The following NALF1 variants were observed in gnomAD, a reference collection of about 807,000 sequenced individuals.
NALF1 encodes NALCN channel auxiliary factor 1, also known as family with sequence similarity 155 member A.
A neutral mutation model predicts 48.4 loss-of-function variants in NALF1; 3 were observed. The ratio of observed to expected loss-of-function variants is 0.06; its 90% CI spans 0.03 to 0.16. The LOEUF is 0.16. Among genes scored for constraint, NALF1 ranks in the 10% least tolerant of loss-of-function variants. The pLI is 1.00. For synonymous variants in NALF1, 262 were observed against 245.7 expected (o/e 1.07, Z -0.62); for missense variants, 526 against 571.5 (o/e 0.92, Z 0.81).
chr13:107,415,139 T>A (rs1884063580), intron 1 of NALF1, among the ~76,000 whole-genome samples: 2 of 152,192 alleles, frequency 1.3e-5, no homozygotes. Context: ...ACATAATTTT[T>A]AAACTTAGTC....
intron 2 of NALF1, among the ~76,000 whole-genome samples, chr13:107,180,425 C>A (rs1879037392): frequency 6.6e-6 from 1 of 151,900 alleles, no homozygotes; most frequent in South Asian, 2.1e-4. Context: ...CGATCTTTAT[C>A]TCAGTAATTT....
At chr13:107,276,141 A>G (rs1881276411) in intron 1 of NALF1, among the ~76,000 whole-genome samples, 1 of 152,188 alleles carries the variant, frequency 6.6e-6, no homozygotes, top group Non-Finnish European at 1.5e-5. Context: ...TATTCATTAG[A>G]AATGAGTCAG....
chr13:107,288,219 C>CTTTTTTT (rs375800659), intron 1 of NALF1, among the ~76,000 whole-genome samples: 1 of 125,150 alleles, frequency 8.0e-6, no homozygotes, highest in African/African-American at 3.0e-5. Context: ...GATCTGAAGA[C>CTTTTTTT]TTTTTTTTTT....
Position 107,865,992 on chromosome 13 carries a change from C to A in NALF1, c.605G>T (p.Gly202Val). The change falls in exon 1 of 3, where the codon GGG becomes GTG. Residue 202 changes from glycine to valine, a missense_variant. Gly to Val is a moderately radical substitution (Grantham distance 109, BLOSUM62 -3). Around this residue, in one of 2 missense-constraint regions of NALF1, gnomAD observed 373 missense variants for 355.5 expected, o/e 1.05. Coordinates refer to ENST00000375915, the MANE Select transcript of NALF1 (RefSeq NM_001080396.3). ...CTTGCTCCTCACCTCCTGCCCGTCCCCCCCGGCCGCCCCCCGACTCCAGTT... is the reference window on the plus strand; with the variant it reads ...CTTGCTCCTCACCTCCTGCCCGTCCACCCCGGCCGCCCCCCGACTCCAGTT... ...ARNWSRGAAG[G>V]DGQEVRSKHP... 5 of 1,612,392 alleles carry A rather than the reference C, an allele frequency of 3.1e-6. No individual in the cohort carries two copies. Among genetic ancestry groups the A allele is most frequent in the Non-Finnish European group, 3.4e-6 (4 of 1,179,926 alleles).
intron 1 of NALF1, among the ~76,000 whole-genome samples, chr13:107,775,744 C>T (rs1159398050): frequency 6.6e-6 from 1 of 152,074 alleles, no homozygotes; most frequent in African/African-American, 2.4e-5. Context: ...TAATGATTGC[C>T]ATTTAATGAA....
At chr13:107,197,765 C>T (rs564945381) in intron 2 of NALF1, among the ~76,000 whole-genome samples, 27 of 152,196 alleles carry the variant, frequency 1.8e-4, no homozygotes, top group Admixed American at 1.2e-3. Flanking sequence ...TGTGTGTGTG[C>T]GCAAATTGAT....
intron 2 of NALF1, among the ~76,000 whole-genome samples, chr13:107,183,636 A>T (rs1879112027): frequency 6.6e-6 from 1 of 152,220 alleles, no homozygotes; most frequent in African/African-American, 2.4e-5. Flanking sequence ...AATGTCGCAC[A>T]TATACACCAT....
chr13:107,420,739 G>GT (rs915899942), intron 1 of NALF1, among the ~76,000 whole-genome samples: 2 of 152,138 alleles, frequency 1.3e-5, no homozygotes, highest in African/African-American at 4.8e-5. Context: ...TCGAGTACAT[G>GT]TGCAATTTTG....
chr13:107,507,743 G>T lies in NALF1; in HGVS notation c.916-296988C>A, dbSNP rs555057144. On this transcript the variant is annotated intron_variant, in intron 1 of 2. Coordinates refer to ENST00000375915, the MANE Select transcript of NALF1 (RefSeq NM_001080396.3). Reference sequence around the variant, plus strand: ...AATATTGAGATTCTTTCAAACAATAGCCTGCTATATTTATTGAAATCATAG... The same window carrying T: ...AATATTGAGATTCTTTCAAACAATATCCTGCTATATTTATTGAAATCATAG... Among the ~76,000 whole-genome samples, 3 of 151,838 alleles carry T rather than the reference G, an allele frequency of 2.0e-5. No individual in the cohort carries two copies. In the East Asian group the frequency reaches 5.8e-4, roughly 29 times the overall value.
chr13:107,518,346 A>T (rs1431347999), intron 1 of NALF1, among the ~76,000 whole-genome samples: 1 of 152,154 alleles, frequency 6.6e-6, no homozygotes, highest in Non-Finnish European at 1.5e-5. Flanking sequence ...TAGTCTACTA[A>T]ACAGACTCAG....
chr13:107,271,789 TA>T (rs1325268105), intron 1 of NALF1, among the ~76,000 whole-genome samples: 8 of 77,938 alleles, frequency 1.0e-4, no homozygotes, highest in East Asian at 3.0e-4. Flanking sequence ...TATATATATA[TA>T]TATATATATA....
intron 1 of NALF1, among the ~76,000 whole-genome samples, chr13:107,461,992 G>A (rs1298087267): frequency 6.6e-6 from 1 of 152,118 alleles, no homozygotes; most frequent in Non-Finnish European, 1.5e-5. Context: ...ACATTCTTAT[G>A]TTAAGGTAGT....
chr13:107,566,148 C>T (rs7990497), intron 1 of NALF1, among the ~76,000 whole-genome samples: 107,959 of 151,992 alleles, frequency 0.71, 38,832 homozygotes, highest in East Asian at 0.8. Flanking sequence ...GCTACAAAAA[C>T]ATTCATCCAC....
intron 1 of NALF1, among the ~76,000 whole-genome samples, chr13:107,391,575 CACTT>C (rs1470113711): frequency 6.6e-6 from 1 of 152,036 alleles, no homozygotes; most frequent in African/African-American, 2.4e-5. Context: ...TGATAAGAAA[CACTT>C]ACAACCCTCT....
rs545313363 is a variant in NALF1 at position 107,286,978 on chromosome 13, C to T, written c.916-76223G>A. ...GTTTTGGACTAGACAGAGCTTGTGG[C>T]TGCACAGCAGTATGAATGTTCTCAA... On this transcript the variant is annotated intron_variant, in intron 1 of 2. Transcript: ENST00000375915. Among the ~76,000 whole-genome samples the T allele has an allele frequency of 3.3e-5, 5 of 152,276 alleles. No homozygotes were observed. In the East Asian group the frequency reaches 9.6e-4, roughly 29 times the overall value.
chr13:107,866,292 G>A lies in NALF1; in HGVS notation c.305C>T (p.Ser102Phe). 1 of 1,604,444 alleles carries A rather than the reference G, an allele frequency of 6.2e-7. No individual in the cohort carries two copies. The highest frequency in any genetic ancestry group is 8.5e-7 in the Non-Finnish European group (1 of 1,177,570). The change falls in exon 1 of 3, where the codon TCC becomes TTC. Residue 102 changes from serine (S) to phenylalanine (F), a missense_variant. By Grantham distance (155) the Ser-to-Phe change is radical. This residue lies in a region of NALF1 where 373 missense variants were observed against 355.5 expected (regional missense o/e 1.05). Coordinates refer to ENST00000375915, the MANE Select transcript of NALF1 (RefSeq NM_001080396.3). The surrounding 1 kb of genome is among the most constrained non-coding windows in gnomAD (Gnocchi z 4.4). ...CATGCTCGCCAGGAGCGCGGGCCAG[G>A]AGGGCTCCTGCTGCCGCCGCTGCTG... ...QQQQRRQQEP[S>F]WPALLASMGE...
intron 1 of NALF1, among the ~76,000 whole-genome samples, chr13:107,243,865 C>A (rs966200399): frequency 6.6e-6 from 1 of 152,124 alleles, no homozygotes; most frequent in African/African-American, 2.4e-5. Flanking sequence ...CCATTGGATT[C>A]CATGCTGTGA....
At chr13:107,773,819 G>A (rs1490983472) in intron 1 of NALF1, among the ~76,000 whole-genome samples, 1 of 151,760 alleles carries the variant, frequency 6.6e-6, no homozygotes, top group Non-Finnish European at 1.5e-5. Context: ...CATGGCACAT[G>A]TATACATATG....
intron 1 of NALF1, among the ~76,000 whole-genome samples, chr13:107,395,951 G>A (rs974496968): frequency 1.3e-5 from 2 of 152,092 alleles, no homozygotes; most frequent in Non-Finnish European, 2.9e-5. Context: ...ATTCTGAGGG[G>A]CTGAGGTTTA....
Sources: allele counts gnomAD v4.1 joint callset (sites outside exome capture counted in the v4.1 genomes callset), GRCh38; gene constraint gnomAD v4.1.1; regional missense constraint gnomAD v4.1.1; non-coding constraint Gnocchi (gnomAD v3.1); transcripts MANE v1.5; gene names NCBI Gene and HGNC (gene_info 2026-07-23, HGNC 2026-07-21).